The following OLFM4 variants were observed in gnomAD, a reference collection of about 807,000 sequenced individuals.
OLFM4 encodes the protein olfactomedin 4, also known as olfactomedin-4.
A neutral mutation model predicts 25.5 loss-of-function variants in OLFM4; 22 were observed. The observed-to-expected ratio is 0.86, with a 90% CI of 0.62 to 1.23. The LOEUF (loss-of-function observed/expected upper bound fraction) is 1.23, where lower values mean the gene tolerates loss of function less well. Ranked by LOEUF, OLFM4 falls within the 50% of genes most tolerant of loss-of-function variation. The pLI is 0.00. For synonymous variants in OLFM4, 255 were observed against 237.7 expected (o/e 1.07, Z -0.67); for missense variants, 594 against 619.4 (o/e 0.96, Z 0.44).
chr13:53,047,252 G>A (rs1262911336), intron 4 of OLFM4, among the ~76,000 whole-genome samples: 5 of 152,182 alleles, frequency 3.3e-5, no homozygotes, highest in Non-Finnish European at 7.4e-5. Context: ...GAAGGGGCTG[G>A]CAAGGAGCAT....
In OLFM4 at chr13:53,050,605, A is replaced by G. The variant is rs1954742629; in HGVS notation, c.1367A>G (p.Tyr456Cys). The G allele has an allele frequency of 1.2e-6, 2 of 1,614,062 alleles. No homozygotes were observed. Reference sequence around the variant, plus strand: ...ACCAGAACAGAAGAGATTTTTTACTATTATGACACAAACACAGGGAAAGAG... The same window carrying G: ...ACCAGAACAGAAGAGATTTTTTACTGTTATGACACAAACACAGGGAAAGAG... Reference protein sequence around the residue: ...MNTRTEEIFYYYDTNTGKEGK... With the variant: ...MNTRTEEIFYCYDTNTGKEGK... Residue 456 changes from tyrosine (Y) to cysteine (C), a missense_variant, in exon 5 of 5, where the codon TAT (tyrosine) becomes TGT (cysteine). Transcript: ENST00000219022.
intron 4 of OLFM4, among the ~76,000 whole-genome samples, chr13:53,046,867 T>A (rs1954718436): frequency 6.6e-6 from 1 of 152,238 alleles, no homozygotes; most frequent in Admixed American, 6.5e-5. Flanking sequence ...ACACAACTAC[T>A]GTTGGAATCA....
At chr13:53,030,045 C>A (rs1040706925) in intron 1 of OLFM4, among the ~76,000 whole-genome samples, 6 of 152,088 alleles carry the variant, frequency 3.9e-5, no homozygotes, top group African/African-American at 1.4e-4. Flanking sequence ...TCTCTCTAAG[C>A]CTCTAGGATC....
chr13:53,032,840 G>T (rs1037330415), intron 1 of OLFM4, among the ~76,000 whole-genome samples: 7 of 152,038 alleles, frequency 4.6e-5, no homozygotes, highest in African/African-American at 1.7e-4. Flanking sequence ...GAAGCATCTA[G>T]ACCCAGCTTG....
intron 1 of OLFM4, 136 bp from the exon 2 acceptor site, chr13:53,034,212 A>G: frequency 2.6e-6 from 2 of 771,446 alleles, no homozygotes; most frequent in Non-Finnish European, 2.1e-6. Context: ...GCTTGTTTCT[A>G]TGATTCTATT....
intron 2 of OLFM4, among the ~76,000 whole-genome samples, chr13:53,037,665 A>G (rs1954665849): frequency 6.6e-6 from 1 of 152,232 alleles, no homozygotes; most frequent in African/African-American, 2.4e-5. Context: ...CCCACTAAGT[A>G]CTGAAGTTAG....
intron 2 of OLFM4, among the ~76,000 whole-genome samples, chr13:53,038,433 A>G (rs924975364): frequency 3.9e-5 from 6 of 152,224 alleles, no homozygotes; most frequent in Non-Finnish European, 8.8e-5. Flanking sequence ...CACTCAGGCT[A>G]TATGATATAG....
chr13:53,043,326 G>T, intron 4 of OLFM4, 62 bp downstream of exon 4: 1 of 1,388,990 alleles, frequency 7.2e-7, no homozygotes, highest in South Asian at 1.7e-5. Flanking sequence ...TGAGTGGGGT[G>T]GGGAAGGGAT....
chr13:53,049,291 T>C (rs1330078770), intron 4 of OLFM4, among the ~76,000 whole-genome samples: 1 of 152,190 alleles, frequency 6.6e-6, no homozygotes, highest in Non-Finnish European at 1.5e-5. Context: ...AAAATAACTT[T>C]ATGGCTTCTC....
rs769481064 is a variant in OLFM4 at position 53,050,564 on chromosome 13, C to T, written c.1326C>T (p.Ala442=). ...TCATGGTATGTGGGGTTCTGTATGCCACCCGTACTATGAACACCAGAACAG... is the reference window on the plus strand; with the variant it reads ...TCATGGTATGTGGGGTTCTGTATGCTACCCGTACTATGAACACCAGAACAG... ...NAFMVCGVLY[A]TRTMNTRTEE... is the part of the protein sequence containing the mutation. The change falls in exon 5 of 5, where the codon GCC becomes GCT. Residue 442 remains alanine, a synonymous_variant. Coordinates refer to ENST00000219022, the MANE Select transcript of OLFM4 (RefSeq NM_006418.5). 1.9e-6 allele frequency: 3 copies of T among 1,613,806 alleles called. No homozygotes were observed. The South Asian group carries it at 3.3e-5, about 18-fold the overall frequency.
intron 1 of OLFM4, among the ~76,000 whole-genome samples, chr13:53,032,185 TA>T: frequency 6.6e-6 from 1 of 152,212 alleles, no homozygotes; most frequent in Non-Finnish European, 1.5e-5. Context: ...ACTTCAGGAC[TA>T]AAAGTTGTTA....
chr13:53,040,208 C>T (rs1433225545), intron 2 of OLFM4, among the ~76,000 whole-genome samples: 2 of 152,178 alleles, frequency 1.3e-5, no homozygotes, highest in African/African-American at 4.8e-5. Flanking sequence ...ATTAAAATAT[C>T]CACTTGGATA....
rs769592888 is a variant in OLFM4, at chr13:53,050,676, A to C, written c.1438A>C (p.Ser480Arg). 5.6e-6 allele frequency: 9 copies of C among 1,613,858 alleles called. No individual in the cohort carries two copies. ...VMHKMQEKVQSINYNPFDQKL... is the reference protein window; with the variant it reads ...VMHKMQEKVQRINYNPFDQKL... ...GCATAAGATGCAGGAAAAAGTGCAG[A>C]GCATTAACTATAACCCTTTTGACCA... The change falls in exon 5 of 5, where the codon AGC (serine) becomes CGC (arginine). Residue 480 changes from serine (S) to arginine (R), a missense_variant. By Grantham distance (110) the Ser-to-Arg change is moderately radical (BLOSUM62 -1). Transcript: ENST00000219022.
chr13:53,048,824 A>G (rs1458625253), intron 4 of OLFM4, among the ~76,000 whole-genome samples: 1 of 152,182 alleles, frequency 6.6e-6, no homozygotes, highest in East Asian at 1.9e-4. Context: ...GACCTCAAAT[A>G]TACTTGAAGT....
chr13:53,041,832 A>C lies in OLFM4; in HGVS notation c.358-78A>C, dbSNP rs1954688190. ...ATTGGCAAGAATCAAATAGTTCTCA[A>C]CTCAAGGGCTCGGTAGTGGAAGAAG... On this transcript the variant is annotated intron_variant, in intron 2 of 4. Transcript: ENST00000219022. 5 of 952,708 alleles carry C rather than the reference A, an allele frequency of 5.2e-6. No homozygotes were observed. The Admixed American group carries it at 7.4e-5, about 14-fold the overall frequency. 59.0% of individuals were successfully genotyped at this position (952,708 alleles called of 1,614,324 possible). A position where few individuals can be genotyped will look rare whatever the true frequency, so the allele number is the denominator to read the frequency against.
At position 53,028,996 on chromosome 13, in the gene OLFM4, T is replaced by C; in HGVS notation, c.160T>C (p.Ser54Pro). 1 of 1,614,186 alleles carries C rather than the reference T, an allele frequency of 6.2e-7. No individual in the cohort carries two copies. Among genetic ancestry groups the C allele is most frequent in the Non-Finnish European group, 8.5e-7 (1 of 1,180,026 alleles). The change falls in exon 1 of 5, where the codon TCC becomes CCC. Residue 54 changes from serine to proline, a missense_variant. Ser to Pro is a moderately conservative substitution (Grantham distance 74). Transcript: ENST00000219022. ...CTTCAGCTCCAGCTCCAGGTCGGGC[T>C]CCAGCTCCAGCCGCAGCTTAGGCAG... ...SSFSSSSRSGSSSSRSLGSGG... is the reference protein window; with the variant it reads ...SSFSSSSRSGPSSSRSLGSGG...
At chr13:53,047,504 G>A (rs1193009615) in intron 4 of OLFM4, among the ~76,000 whole-genome samples, 5 of 152,014 alleles carry the variant, frequency 3.3e-5, no homozygotes, top group Non-Finnish European at 7.4e-5. Flanking sequence ...TACCACAGCC[G>A]GGGCCCTAAA....
At chr13:53,034,897 G>T in intron 2 of OLFM4, among the ~76,000 whole-genome samples, 1 of 151,864 alleles carries the variant, frequency 6.6e-6, no homozygotes, top group South Asian at 2.1e-4. Flanking sequence ...ATCCCCTTTA[G>T]TTCTATTCTA....
At chr13:53,038,051 C>T (rs981199534) in intron 2 of OLFM4, among the ~76,000 whole-genome samples, 1 of 152,164 alleles carries the variant, frequency 6.6e-6, no homozygotes, top group African/African-American at 2.4e-5. Flanking sequence ...AGGCTGGTGG[C>T]TTAAAGGCTC....
Sources: gnomAD v4.1 joint callset for allele counts (sites outside exome capture counted in the v4.1 genomes callset) on GRCh38, gnomAD v4.1.1 for gene constraint, MANE v1.5 for transcripts, NCBI Gene and HGNC (gene_info 2026-07-23, HGNC 2026-07-21) for gene names.